The following CLSTN1 variants were observed in gnomAD, a reference collection of about 807,000 sequenced individuals.
CLSTN1 encodes calsyntenin-1.
Under a neutral mutation model 108.3 loss-of-function variants are expected in CLSTN1, and 28 were observed. That is an observed-to-expected ratio of 0.26 (90% CI 0.19 to 0.35). The LOEUF is 0.35. CLSTN1 is among the 10% of genes least tolerant of loss of function. CLSTN1 has a pLI of 1.00. For synonymous variants in CLSTN1, 524 were observed against 534.9 expected, an observed-to-expected ratio of 0.98 and a Z score of 0.28; for missense variants, 1,157 against 1,302.6, an observed-to-expected ratio of 0.89 and a Z score of 1.72.
Position 9,731,872 on chromosome 1 carries a change from G to C in CLSTN1, c.2452C>G (p.Pro818Ala), listed in dbSNP as rs755962798. 2 of 1,614,028 alleles carry C rather than the reference G, an allele frequency of 1.2e-6. No individual in the cohort carries two copies. The highest frequency in any genetic ancestry group is 4.5e-5 in the East Asian group (2 of 44,866). The stretch of plus-strand genomic sequence containing the variant: ...GCCATGTGGTTGGCGTGTTCCATGG[G>C]GTTGGCCGTGTGGATTACATTCACC... ...VEVNVIHTANPMEHANHMAAQ... is the reference protein window; with the variant it reads ...VEVNVIHTANAMEHANHMAAQ... The change falls in exon 17 of 19, where the codon CCC (proline) becomes GCC (alanine). Residue 818 changes from proline to alanine, a missense_variant. Physicochemically the swap from Pro to Ala is conservative, Grantham distance 27 (BLOSUM62 -1). Transcript: ENST00000377298.
rs755716425 is a variant in CLSTN1, at chr1:9,730,552, G to A, written c.2902C>T (p.Arg968Trp). ...GEQGDPQNAT[R>W]QQQLEWDDST... ...TCATCCCACTCCAGCTGCTGCTGCC[G>A]GGTTGCGTTCTGGGGGTCGCCCTGC... Residue 968 changes from arginine (R) to tryptophan (W), a missense_variant, in exon 19 of 19, where the codon CGG becomes TGG. Coordinates refer to ENST00000377298, the MANE Select transcript of CLSTN1 (RefSeq NM_001009566.3). This position sits in a 1 kb window ranked among gnomAD's most constrained non-coding sequence, Gnocchi z 5.6. 3 of 1,607,740 alleles carry A rather than the reference G, an allele frequency of 1.9e-6. No individual in the cohort carries two copies. Among genetic ancestry groups the A allele is most frequent in the Admixed American group, 1.7e-5 (1 of 60,000 alleles).
At chr1:9,789,193 G>C (rs115836351) in intron 1 of CLSTN1, among the ~76,000 whole-genome samples, 1 of 151,332 alleles carries the variant, frequency 6.6e-6, no homozygotes, top group Non-Finnish European at 1.5e-5. Flanking sequence ...CCCAGAAGGC[G>C]GACTGCTGGA....
rs148160179 is a variant in CLSTN1, at chr1:9,735,583, G to C, written c.1767C>G (p.Thr589=). The change falls in exon 13 of 19, where the codon ACC becomes ACG. Residue 589 remains threonine (T), a synonymous_variant. Transcript: ENST00000377298. ...IQAHPSQLVL[T]LEGEDLGELD... is the part of the protein sequence containing the mutation. ...ATTCCCCGAGGTCTTCTCCCTCCAA[G>C]GTCAATACCAACTGGCTGGGGTGTG... 33 of 1,614,000 alleles carry C rather than the reference G, an allele frequency of 2.0e-5. No individual in the cohort carries two copies. The highest frequency in any genetic ancestry group is 2.7e-5 in the Non-Finnish European group (32 of 1,180,046).
chr1:9,805,077 G>A (rs576929251), intron 1 of CLSTN1, among the ~76,000 whole-genome samples: 1 of 152,034 alleles, frequency 6.6e-6, no homozygotes, highest in Non-Finnish European at 1.5e-5. Flanking sequence ...CCGAGATCGC[G>A]CCATAGTACT....
chr1:9,767,243 G>A (rs528287830), intron 2 of CLSTN1, among the ~76,000 whole-genome samples: 3 of 152,150 alleles, frequency 2.0e-5, no homozygotes, highest in South Asian at 2.1e-4. Flanking sequence ...TGTCTACTGC[G>A]TAAGATTGGA....
At chr1:9,796,295 C>A (rs111960642) in intron 1 of CLSTN1, among the ~76,000 whole-genome samples, 245 of 121,858 alleles carry the variant, frequency 2.0e-3, no homozygotes, top group Middle Eastern at 8.7e-3. Flanking sequence ...CAAAACAAAA[C>A]AAAAAAAAAA....
chr1:9,758,414 A>T (rs1651920062), intron 2 of CLSTN1, among the ~76,000 whole-genome samples: 2 of 151,980 alleles, frequency 1.3e-5, no homozygotes. Flanking sequence ...TCTGGGTTCA[A>T]GCGATTCTCA....
At chr1:9,776,373 C>T (rs1313101032) in intron 1 of CLSTN1, among the ~76,000 whole-genome samples, 3 of 152,054 alleles carry the variant, frequency 2.0e-5, no homozygotes, top group East Asian at 1.9e-4. Flanking sequence ...ACCCAGACCC[C>T]GGGGAGTTGT....
intron 2 of CLSTN1, among the ~76,000 whole-genome samples, chr1:9,761,983 A>T (rs991764095): frequency 6.6e-6 from 1 of 152,226 alleles, no homozygotes; most frequent in African/African-American, 2.4e-5. Context: ...GAACCGCAAC[A>T]GTCCCACTGC....
chr1:9,822,657 G>A (rs1159019386), intron 1 of CLSTN1, among the ~76,000 whole-genome samples: 1 of 152,150 alleles, frequency 6.6e-6, no homozygotes, highest in East Asian at 1.9e-4. Flanking sequence ...CCACTCAGAA[G>A]CAAATACTGT....
At chr1:9,796,024 G>A (rs1653976135) in intron 1 of CLSTN1, among the ~76,000 whole-genome samples, 1 of 150,906 alleles carries the variant, frequency 6.6e-6, no homozygotes, top group Non-Finnish European at 1.5e-5. Flanking sequence ...CACTTTGGGA[G>A]GCCAAGGTGG....
Position 9,780,217 on chromosome 1 carries a change from C to T in CLSTN1, c.92-6823G>A, listed in dbSNP as rs929497945. 3.5e-5 allele frequency among the ~76,000 whole-genome samples: 5 copies of T among 144,386 alleles called. No homozygotes were observed. In the South Asian group the frequency reaches 7.0e-4, roughly 20 times the overall value. The allele number at this position is 144,386 out of a possible 152,430, so 94.7% of individuals were successfully genotyped here. A position where few individuals can be genotyped will look rare whatever the true frequency, so the allele number is the denominator to read the frequency against. On this transcript the variant is annotated intron_variant, in intron 1 of 18. Transcript: ENST00000377298. Reference sequence around the variant, plus strand: ...ATTTGCCACTAATCAAATTAATATTCGATTCCAATTTGGCTTCATACTTTA... The same window carrying T: ...ATTTGCCACTAATCAAATTAATATTTGATTCCAATTTGGCTTCATACTTTA...
chr1:9,738,290 G>A (rs944678725), intron 10 of CLSTN1, among the ~76,000 whole-genome samples: 17 of 152,120 alleles, frequency 1.1e-4, no homozygotes, highest in African/African-American at 3.1e-4. Flanking sequence ...CACACACAGC[G>A]GCTAAGCACA....
intron 1 of CLSTN1, among the ~76,000 whole-genome samples, chr1:9,794,747 C>T (rs1370343969): frequency 6.6e-6 from 1 of 151,456 alleles, no homozygotes; most frequent in Non-Finnish European, 1.5e-5. Context: ...TCTTCTTTAT[C>T]ATGATCACAT....
At chr1:9,786,458 A>G (rs567392888) in intron 1 of CLSTN1, among the ~76,000 whole-genome samples, 4 of 152,170 alleles carry the variant, frequency 2.6e-5, no homozygotes, top group South Asian at 2.1e-4. Context: ...CCTGGCCAAC[A>G]TGGCGAAACC....
intron 1 of CLSTN1, chr1:9,781,328 A>G: frequency 1.7e-6 from 1 of 581,070 alleles, no homozygotes; most frequent in East Asian, 2.9e-5. Flanking sequence ...AATGATACTG[A>G]ATGCAGCAGT....
chr1:9,735,744 C>T (rs975256735), intron 12 of CLSTN1, 129 bp from the exon 13 acceptor site: 10 of 1,495,488 alleles, frequency 6.7e-6, no homozygotes, highest in Admixed American at 5.9e-5. Flanking sequence ...AAGAAAAGCT[C>T]GTTTAAGTCC....
At chr1:9,783,544 AC>A (rs1303535388) in intron 1 of CLSTN1, among the ~76,000 whole-genome samples, 1 of 151,906 alleles carries the variant, frequency 6.6e-6, no homozygotes, top group East Asian at 1.9e-4. Flanking sequence ...ATGTGGTGAA[AC>A]CCTGTTTCTA....
At chr1:9,769,600 G>T (rs1652565659) in intron 2 of CLSTN1, among the ~76,000 whole-genome samples, 1 of 152,292 alleles carries the variant, frequency 6.6e-6, no homozygotes, top group South Asian at 2.1e-4. Context: ...GGTAGCCAGG[G>T]CTTGGGAGTG....
Sources: allele counts gnomAD v4.1 joint callset (sites outside exome capture counted in the v4.1 genomes callset), GRCh38; gene constraint gnomAD v4.1.1; non-coding constraint Gnocchi (gnomAD v3.1); transcripts MANE v1.5; gene names NCBI Gene and HGNC (gene_info 2026-07-23, HGNC 2026-07-21).